RPS6KC1: variants seen among roughly 807,000 people sequenced by gnomAD.
RPS6KC1 encodes inactive ribosomal protein S6 kinase delta-1.
In RPS6KC1, 54 loss-of-function variants were observed where a neutral mutation model predicts 103.8. The ratio of observed to expected loss-of-function variants is 0.52; its 90% CI spans 0.42 to 0.65. The LOEUF (loss-of-function observed/expected upper bound fraction) is 0.65, where lower values mean the gene tolerates loss of function less well. RPS6KC1 is among the 30% of genes least tolerant of loss of function. The pLI, the probability that RPS6KC1 is intolerant of heterozygous loss-of-function variation, is 0.00. For synonymous variants in RPS6KC1, 439 were observed against 438.7 expected (o/e 1.00, Z -0.01); for missense variants, 1,151 against 1,253.8 (o/e 0.92, Z 1.24).
chr1:213,343,777 T>TC, the RPS6KC1 span, among the ~76,000 whole-genome samples: 1 of 151,392 alleles, frequency 6.6e-6, no homozygotes, highest in African/African-American at 2.4e-5. Flanking sequence ...TACTACCTGT[T>TC]CCCCAAAAAC....
the RPS6KC1 span, among the ~76,000 whole-genome samples, chr1:213,644,217 T>A: frequency 2.6e-5 from 4 of 152,116 alleles, no homozygotes; most frequent in African/African-American, 9.7e-5. Context: ...ATACTTTATA[T>A]TTTAGAGCAG....
At chr1:213,473,698 G>A in the RPS6KC1 span, among the ~76,000 whole-genome samples, 1 of 152,210 alleles carries the variant, frequency 6.6e-6, no homozygotes, top group Non-Finnish European at 1.5e-5. Context: ...TGGGATATTT[G>A]CGGAAGTCCA....
intron 1 of RPS6KC1, among the ~76,000 whole-genome samples, chr1:213,059,466 A>G (rs2077627376): frequency 6.6e-6 from 1 of 152,058 alleles, no homozygotes. Flanking sequence ...CCTCTAGTAT[A>G]ATTTTCACGG....
chr1:213,674,290 A>G, the RPS6KC1 span, among the ~76,000 whole-genome samples: 2 of 152,188 alleles, frequency 1.3e-5, no homozygotes, highest in African/African-American at 2.4e-5. Flanking sequence ...AAGTCCTAGG[A>G]TTACAGGCAT....
chr1:213,837,972 G>T, the RPS6KC1 span, among the ~76,000 whole-genome samples: 1 of 151,830 alleles, frequency 6.6e-6, no homozygotes, highest in Admixed American at 6.6e-5. Flanking sequence ...TGAATTGTCA[G>T]TAATTTATCT....
the RPS6KC1 span, among the ~76,000 whole-genome samples, chr1:213,503,748 C>T: frequency 0.68 from 103,466 of 152,022 alleles, 35,592 homozygotes; most frequent in East Asian, 0.98. Flanking sequence ...TAAAAATTGA[C>T]GACATCCAGC....
intron 3 of RPS6KC1, 22 bp from the exon 4 acceptor site, chr1:213,104,432 G>C (rs2082285462): frequency 6.8e-7 from 1 of 1,473,074 alleles, no homozygotes; most frequent in Non-Finnish European, 9.5e-7. Context: ...TCCCTTAAGT[G>C]TTGATTCTTA....
chr1:213,057,747 A>T, intron 1 of RPS6KC1, among the ~76,000 whole-genome samples: 1 of 121,914 alleles, frequency 8.2e-6, no homozygotes. Context: ...AATTCTCTGA[A>T]GTATCTTTTT....
chr1:213,459,489 A>G, the RPS6KC1 span, among the ~76,000 whole-genome samples: 1 of 151,202 alleles, frequency 6.6e-6, no homozygotes, highest in African/African-American at 2.4e-5. Flanking sequence ...TTTTTCTTCT[A>G]TATTAGTTTG....
At chr1:213,343,876 C>G in the RPS6KC1 span, among the ~76,000 whole-genome samples, 1 of 151,912 alleles carries the variant, frequency 6.6e-6, no homozygotes, top group Non-Finnish European at 1.5e-5. Context: ...ATCAGATTGC[C>G]ACTCCATTCT....
the RPS6KC1 span, among the ~76,000 whole-genome samples, chr1:213,830,976 G>A: frequency 6.6e-6 from 1 of 152,134 alleles, no homozygotes; most frequent in African/African-American, 2.4e-5. Context: ...CCTGCCAGTG[G>A]TCCTTCCCTG....
the RPS6KC1 span, among the ~76,000 whole-genome samples, chr1:213,567,327 T>C: frequency 7.1e-4 from 108 of 152,266 alleles, no homozygotes; most frequent in Non-Finnish European, 1.1e-3. Flanking sequence ...GGCTTTATAC[T>C]GGGGGGAAAT....
At chr1:213,323,741 C>T in the RPS6KC1 span, among the ~76,000 whole-genome samples, 4 of 152,020 alleles carry the variant, frequency 2.6e-5, no homozygotes, top group South Asian at 4.1e-4. Flanking sequence ...ACACAGCAAA[C>T]GTGAGAGGCA....
chr1:213,059,541 G>A lies in RPS6KC1; in HGVS notation c.105+8032G>A, dbSNP rs537988284. Among the ~76,000 whole-genome samples, 216 of 152,234 alleles carry A rather than the reference G, an allele frequency of 1.4e-3. 1 individual carries two copies. The highest frequency in any genetic ancestry group is 4.7e-3 in the African/African-American group (194 of 41,522). The stretch of plus-strand genomic sequence containing the variant: ...TTATATATATATATTTTGAGACAGA[G>A]TCTCACTTGTCATCCAGGCTGGAAT... On this transcript the variant is annotated intron_variant, in intron 1 of 14. Transcript: ENST00000366960.
chr1:213,416,426 TAG>T, the RPS6KC1 span, among the ~76,000 whole-genome samples: 3 of 152,066 alleles, frequency 2.0e-5, no homozygotes, highest in East Asian at 5.8e-4. Flanking sequence ...CAAAGCTAGA[TAG>T]AGAGTGACCA....
chr1:213,753,494 T>C, the RPS6KC1 span, among the ~76,000 whole-genome samples: 14 of 152,152 alleles, frequency 9.2e-5, no homozygotes, highest in Non-Finnish European at 1.9e-4. Flanking sequence ...GGGGCCCTAC[T>C]AGATTGCCCT....
At chr1:213,598,452 C>T in the RPS6KC1 span, among the ~76,000 whole-genome samples, 1 of 152,148 alleles carries the variant, frequency 6.6e-6, no homozygotes, top group Admixed American at 6.5e-5. Flanking sequence ...GGAAAAGTTA[C>T]TTCCTCTCTT....
intron 8 of RPS6KC1, among the ~76,000 whole-genome samples, chr1:213,200,392 C>T (rs1168365399): frequency 6.6e-6 from 1 of 152,130 alleles, no homozygotes; most frequent in East Asian, 1.9e-4. Context: ...GGAAAGGATT[C>T]CCTATTCAGT....
At chr1:213,125,137 A>G (rs1356724351) in intron 5 of RPS6KC1, among the ~76,000 whole-genome samples, 1 of 152,132 alleles carries the variant, frequency 6.6e-6, no homozygotes, top group African/African-American at 2.4e-5. Flanking sequence ...AAAGTATATT[A>G]TTAAATTCTA....
Sources: gnomAD v4.1 joint callset for allele counts (sites outside exome capture counted in the v4.1 genomes callset) on GRCh38, gnomAD v4.1.1 for gene constraint, MANE v1.5 for transcripts, NCBI Gene and HGNC (gene_info 2026-07-23, HGNC 2026-07-21) for gene names.